The following PSMD13 variants were observed in gnomAD, a reference collection of about 807,000 sequenced individuals.
PSMD13 encodes 26S proteasome non-ATPase regulatory subunit 13.
In PSMD13, 8 loss-of-function variants were observed where a neutral mutation model predicts 57.4. The observed-to-expected ratio is 0.14, with a 90% CI of 0.08 to 0.25. The LOEUF is 0.25. Ranked by LOEUF, PSMD13 falls within the 10% of genes least tolerant of loss-of-function variation. The pLI, the probability that PSMD13 is intolerant of heterozygous loss-of-function variation, is 1.00. For missense variants in PSMD13, 400 were observed against 461.5 expected, an observed-to-expected ratio of 0.87 and a Z score of 1.22; for synonymous variants, 193 against 168.2, an observed-to-expected ratio of 1.15 and a Z score of -1.14.
At chr11:240,101 C>CTTTTGTTTTTTTTTTTTT in intron 2 of PSMD13, among the ~76,000 whole-genome samples, 1 of 51,412 alleles carries the variant, frequency 1.9e-5, no homozygotes, top group Non-Finnish European at 3.4e-5. Flanking sequence ...ATGAGACCTG[C>CTTTTGTTTTTTTTTTTTT]TTTTTTTTTT....
Position 251,497 on chromosome 11 carries a change from A to G in PSMD13, c.838-49A>G, listed in dbSNP as rs1477963126. The G allele has an allele frequency of 6.8e-7, 1 of 1,474,614 alleles. No homozygotes were observed. The highest frequency in any genetic ancestry group is 1.2e-5 in the South Asian group (1 of 84,376). The allele number at this position is 1,474,614 out of a possible 1,614,324, so 91.3% of individuals were successfully genotyped here. A position where few individuals can be genotyped will look rare whatever the true frequency, so the allele number is the denominator to read the frequency against. On this transcript the variant is annotated intron_variant, in intron 10 of 12. Coordinates refer to ENST00000532097, the MANE Select transcript of PSMD13 (RefSeq NM_002817.4). This position sits in a 1 kb window ranked among gnomAD's most constrained non-coding sequence, Gnocchi z 4.6. ...GACAAAACATCCTTATCAGTTCTCT[A>G]TTTTTATTTGGAAAAATAGTTTAAA... is the stretch of plus-strand genomic sequence containing the variant.
intron 1 of PSMD13, among the ~76,000 whole-genome samples, chr11:238,312 C>G (rs1328626215): frequency 6.6e-6 from 1 of 152,122 alleles, no homozygotes; most frequent in East Asian, 1.9e-4. Context: ...TCACAATAAC[C>G]CTTTGAGTTA....
intron 2 of PSMD13, 78 bp downstream of exon 2, chr11:239,154 A>G (rs936559824): frequency 1.7e-6 from 2 of 1,162,304 alleles, no homozygotes; most frequent in Non-Finnish European, 2.6e-6. Flanking sequence ...CTTTATGCTA[A>G]TAATAATAAT....
intron 4 of PSMD13, 69 bp from the exon 5 acceptor site, chr11:244,357 A>G (rs1485086143): frequency 3.2e-6 from 5 of 1,582,130 alleles, no homozygotes; most frequent in Non-Finnish European, 4.3e-6. Context: ...AGATTACCCT[A>G]CCTAAGGGTG....
intron 2 of PSMD13, among the ~76,000 whole-genome samples, chr11:240,443 T>C (rs1859490677): frequency 1.3e-5 from 2 of 152,154 alleles, no homozygotes; most frequent in Non-Finnish European, 2.9e-5. Context: ...TTCCCTAAGG[T>C]TCTAAATCAT....
intron 2 of PSMD13, among the ~76,000 whole-genome samples, chr11:240,442 G>A (rs1859490631): frequency 6.6e-6 from 1 of 152,064 alleles, no homozygotes; most frequent in African/African-American, 2.4e-5. Flanking sequence ...GTTCCCTAAG[G>A]TTCTAAATCA....
chr11:242,426 C>CA (rs1206232919), intron 2 of PSMD13, among the ~76,000 whole-genome samples: 1 of 151,532 alleles, frequency 6.6e-6, no homozygotes, highest in Non-Finnish European at 1.5e-5. Context: ...AATAGGTGAA[C>CA]AAAATGTGTA....
At chr11:250,780 T>G (rs1483344672) in intron 9 of PSMD13, 23 bp from the exon 10 acceptor site, 4 of 1,607,570 alleles carry the variant, frequency 2.5e-6, no homozygotes, top group Non-Finnish European at 2.6e-6. Flanking sequence ...GAAGACATTT[T>G]TCTGTCTTTC....
Position 237,066 on chromosome 11 carries a change from G to T in PSMD13, c.17G>T (p.Gly6Val). The change falls in exon 1 of 13, where the codon GGC becomes GTC. Residue 6 changes from glycine to valine, a missense_variant. Physicochemically the swap from Gly to Val is moderately radical, Grantham distance 109. Coordinates refer to ENST00000532097, the MANE Select transcript of PSMD13 (RefSeq NM_002817.4). MKDVP[G>V]FLQQSQNSGP... Reference sequence around the variant, plus strand: ...CCTGCTGTCATGAAGGACGTACCGGGCTTCCTACAGCAGAGCCAGAACTCC... The same window carrying T: ...CCTGCTGTCATGAAGGACGTACCGGTCTTCCTACAGCAGAGCCAGAACTCC... 3.1e-6 allele frequency: 5 copies of T among 1,613,886 alleles called. No homozygotes were observed. Among genetic ancestry groups the T allele is most frequent in the Non-Finnish European group, 4.2e-6 (5 of 1,179,824 alleles).
chr11:247,111 A>G (rs1859663889), intron 6 of PSMD13, among the ~76,000 whole-genome samples, 166 bp from the exon 7 acceptor site: 1 of 152,208 alleles, frequency 6.6e-6, no homozygotes, highest in African/African-American at 2.4e-5. Flanking sequence ...AGCCAAGCAC[A>G]GTGGCTTGAA....
chr11:247,967 C>T (rs929146388), intron 7 of PSMD13: 1 of 153,030 alleles, frequency 6.5e-6, no homozygotes, highest in African/African-American at 2.4e-5. Flanking sequence ...AGGCTAATTC[C>T]TCCTCGCTCC....
chr11:250,449 G>T (rs1859746918), intron 9 of PSMD13, among the ~76,000 whole-genome samples: 2 of 152,122 alleles, frequency 1.3e-5, no homozygotes. Flanking sequence ...AACCCCCCTG[G>T]GCAGTAGGGT....
Position 247,278 on chromosome 11 carries a change from A to T in PSMD13, c.398A>T (p.Glu133Val), listed in dbSNP as rs980080847. The T allele has an allele frequency of 1.2e-6, 2 of 1,609,592 alleles. No homozygotes were observed. The highest frequency in any genetic ancestry group is 1.7e-6 in the Non-Finnish European group (2 of 1,178,492). The change falls in exon 7 of 13, where the codon GAA becomes GTA. Residue 133 changes from glutamate to valine, a missense_variant and splice_region_variant. By Grantham distance (121) the Glu-to-Val change is moderately radical. Transcript: ENST00000532097. ...GATGATTTTCCTTCCTGTGTATAGGAAACAATTGAAGATGTTGAAGAAATG... is the reference window on the plus strand; with the variant it reads ...GATGATTTTCCTTCCTGTGTATAGGTAACAATTGAAGATGTTGAAGAAATG... Reference protein sequence around the residue: ...LNIGDLQVTKETIEDVEEMLN... With the variant: ...LNIGDLQVTKVTIEDVEEMLN...
intron 2 of PSMD13, chr11:243,157 C>T: frequency 1.6e-6 from 1 of 622,102 alleles, no homozygotes; most frequent in Non-Finnish European, 3.1e-6. Context: ...TGGTCACCAC[C>T]TCCTGTTTTT....
intron 4 of PSMD13, 60 bp downstream of exon 4, chr11:244,276 A>T: frequency 6.3e-7 from 1 of 1,591,766 alleles, no homozygotes; most frequent in Non-Finnish European, 8.5e-7. Context: ...ATTGAAATAT[A>T]AGTTAACTGA....
At chr11:242,926 G>T (rs972205625) in intron 2 of PSMD13, among the ~76,000 whole-genome samples, 1 of 152,076 alleles carries the variant, frequency 6.6e-6, no homozygotes, top group African/African-American at 2.4e-5. Flanking sequence ...CTCCCAAGTA[G>T]CTGGGACTAC....
intron 2 of PSMD13, 38 bp downstream of exon 2, chr11:239,114 G>C (rs1489679221): frequency 6.5e-7 from 1 of 1,532,588 alleles, no homozygotes; most frequent in African/African-American, 1.4e-5. Context: ...TTATATGAAT[G>C]TGCTCAAGGA....
At position 247,413 on chromosome 11, in the gene PSMD13, G is replaced by A. The variant is rs754912031; in HGVS notation, c.533G>A (p.Arg178Gln). 2.1e-5 allele frequency: 34 copies of A among 1,613,960 alleles called. No homozygotes were observed. The highest frequency in any genetic ancestry group is 3.3e-5 in the Admixed American group (2 of 59,980). The part of the protein sequence containing the change: ...NHASYYKDAL[R>Q]FLGCVDIKDL... ...GCGTCCTACTACAAAGATGCTCTGC[G>A]GTTTTTGGGCTGTGTTGACATCAAG... The change falls in exon 7 of 13, where the codon CGG becomes CAG. Residue 178 changes from arginine (R) to glutamine (Q), a missense_variant. Arg to Gln is a conservative substitution (Grantham distance 43, BLOSUM62 1). Transcript: ENST00000532097.
At position 248,970 on chromosome 11, in the gene PSMD13, C is replaced by T; in HGVS notation, c.687C>T (p.Asp229=). The change falls in exon 9 of 13, where the codon GAC becomes GAT. Residue 229 remains aspartate, a synonymous_variant. Coordinates refer to ENST00000532097, the MANE Select transcript of PSMD13 (RefSeq NM_002817.4). ...TGCTGGAGTCCCTGAGGAATACTGA[C>T]CGGCAGTGGCTGATTGACACCCTCT... ...HPVLESLRNT[D]RQWLIDTLYA... The T allele has an allele frequency of 3.7e-6, 6 of 1,614,178 alleles. No individual in the cohort carries two copies. Among genetic ancestry groups the T allele is most frequent in the Non-Finnish European group, 5.1e-6 (6 of 1,180,036 alleles).
Sources: gnomAD v4.1 joint callset for allele counts (sites outside exome capture counted in the v4.1 genomes callset) on GRCh38, gnomAD v4.1.1 for gene constraint, Gnocchi (gnomAD v3.1) non-coding constraint, MANE v1.5 for transcripts, NCBI Gene and HGNC (gene_info 2026-07-23, HGNC 2026-07-21) for gene names.